Variants in VPS13B observed in about 807,000 individuals in gnomAD.
VPS13B encodes intermembrane lipid transfer protein VPS13B.
In VPS13B, 285 loss-of-function variants were observed where a neutral mutation model predicts 426.4. The observed-to-expected ratio is 0.67, with a 90% CI of 0.61 to 0.74. VPS13B has a LOEUF of 0.74. Ranked by LOEUF, VPS13B falls within the 30% of genes least tolerant of loss-of-function variation. The pLI is 0.00. For synonymous variants in VPS13B, 1,676 were observed against 1,676.4 expected (o/e 1.00, Z 0.01); for missense variants, 4,537 against 4,782.6 (o/e 0.95, Z 1.51).
chr8:99,084,977 G>C lies in VPS13B; in HGVS notation c.292-11335G>C, dbSNP rs1410685117. On this transcript the variant is annotated intron_variant, in intron 3 of 61. Transcript: ENST00000357162. ...TGTAGATGTCTATTAGGTCTGCTTGGTGCAGAGTTGAGTTCAATTCCTGGA... is the reference window on the plus strand; with the variant it reads ...TGTAGATGTCTATTAGGTCTGCTTGCTGCAGAGTTGAGTTCAATTCCTGGA... Among the ~76,000 whole-genome samples the C allele has an allele frequency of 2.7e-5, 4 of 147,936 alleles. No homozygotes were observed. In the East Asian group the frequency reaches 7.9e-4, roughly 29 times the overall value.
chr8:99,761,481 A>G (rs1426914317), intron 39 of VPS13B, among the ~76,000 whole-genome samples: 2 of 152,142 alleles, frequency 1.3e-5, no homozygotes, highest in Non-Finnish European at 2.9e-5. Flanking sequence ...GCCTTATATT[A>G]TGTACCTACT....
intron 42 of VPS13B, among the ~76,000 whole-genome samples, chr8:99,781,558 A>G (rs777158011): frequency 2.6e-5 from 4 of 152,206 alleles, no homozygotes; most frequent in Non-Finnish European, 5.9e-5. Context: ...AACTTATTAC[A>G]GTTATAATGA....
chr8:99,143,224 T>A, intron 13 of VPS13B, 59 bp downstream of exon 13: 1 of 1,605,822 alleles, frequency 6.2e-7, no homozygotes, highest in East Asian at 2.2e-5. Flanking sequence ...AATTATATAA[T>A]CCAATTTGTG....
At chr8:99,765,551 C>T (rs943949219) in intron 39 of VPS13B, among the ~76,000 whole-genome samples, 2 of 152,200 alleles carry the variant, frequency 1.3e-5, no homozygotes, top group Non-Finnish European at 2.9e-5. Context: ...AAGTCTATTG[C>T]TTGTGGCATG....
intron 22 of VPS13B, 103 bp from the exon 23 acceptor site, chr8:99,442,298 G>T (rs1588384456): frequency 1.1e-6 from 1 of 940,810 alleles, no homozygotes; most frequent in Non-Finnish European, 1.7e-6. Context: ...ACATAAATAT[G>T]GAACATTTAC....
At chr8:99,212,175 G>A (rs1386707217) in intron 17 of VPS13B, among the ~76,000 whole-genome samples, 2 of 152,202 alleles carry the variant, frequency 1.3e-5, no homozygotes, top group Non-Finnish European at 2.9e-5. Flanking sequence ...TTACAGGCAT[G>A]AGCCACCGCA....
intron 17 of VPS13B, among the ~76,000 whole-genome samples, chr8:99,242,834 A>G (rs1252890394): frequency 6.6e-6 from 1 of 152,190 alleles, no homozygotes; most frequent in South Asian, 2.1e-4. Flanking sequence ...TAATGCCTTT[A>G]CAAATTTAAA....
At chr8:99,491,963 A>G (rs1466979766) in intron 25 of VPS13B, among the ~76,000 whole-genome samples, 2 of 152,136 alleles carry the variant, frequency 1.3e-5, no homozygotes, top group African/African-American at 4.8e-5. Context: ...TGGAATTTTC[A>G]GCTTTTCTGC....
intron 44 of VPS13B, among the ~76,000 whole-genome samples, chr8:99,814,778 G>T (rs1313132732): frequency 6.6e-6 from 1 of 152,160 alleles, no homozygotes; most frequent in Non-Finnish European, 1.5e-5. Context: ...TTAACAATAA[G>T]AGGAAAGGAG....
At chr8:99,686,516 T>C (rs1437835148) in intron 35 of VPS13B, among the ~76,000 whole-genome samples, 7 of 151,932 alleles carry the variant, frequency 4.6e-5, no homozygotes, top group Non-Finnish European at 1.0e-4. Context: ...ACCTTAGGAA[T>C]CTACTTGGTG....
chr8:99,382,237 T>C (rs1370301903), intron 19 of VPS13B, among the ~76,000 whole-genome samples: 2 of 152,170 alleles, frequency 1.3e-5, no homozygotes, highest in Non-Finnish European at 2.9e-5. Context: ...AGTCTTGTAG[T>C]ATAGATTGAA....
In VPS13B at chr8:99,442,460, A is replaced by C; in HGVS notation, c.3270A>C (p.Thr1090=). Residue 1090 remains threonine, a synonymous_variant, in exon 23 of 62, where the codon ACA becomes ACC. Coordinates refer to ENST00000357162, the MANE Select transcript of VPS13B (RefSeq NM_152564.5). ...IPNDSLPSPS[T]IVSGDIPGTV... ...ATGATAGCCTGCCTTCCCCAAGTACAATTGTATCTGGTGACATTCCTGGAA... is the reference window on the plus strand; with the variant it reads ...ATGATAGCCTGCCTTCCCCAAGTACCATTGTATCTGGTGACATTCCTGGAA... The C allele has an allele frequency of 6.2e-7, 1 of 1,613,946 alleles. No homozygotes were observed. Among genetic ancestry groups the C allele is most frequent in the Non-Finnish European group, 8.5e-7 (1 of 1,179,900 alleles).
chr8:99,871,598 G>C lies in VPS13B; in HGVS notation c.11646G>C (p.Gln3882His). 3 of 1,614,222 alleles carry C rather than the reference G, an allele frequency of 1.9e-6. No homozygotes were observed. The highest frequency in any genetic ancestry group is 2.5e-6 in the Non-Finnish European group (3 of 1,180,054). ...GTGTCAGTGAGGACACACAGCAGCA[G>C]GCCTTCCCCGTCACAGAAATCGACT... is the stretch of plus-strand genomic sequence containing the variant. ...VVSVSEDTQQ[Q>H]AFPVTEIDCA... Residue 3882 changes from glutamine to histidine, a missense_variant, in exon 61 of 62, where the codon CAG (glutamine) becomes CAC (histidine). Physicochemically the swap from Gln to His is conservative, Grantham distance 24. Transcript: ENST00000357162.
At chr8:99,491,591 C>CT (rs1469175483) in intron 25 of VPS13B, among the ~76,000 whole-genome samples, 2 of 152,090 alleles carry the variant, frequency 1.3e-5, no homozygotes, top group Admixed American at 1.3e-4. Context: ...ATCTTGTCTT[C>CT]TCACTTTATT....
At position 99,271,296 on chromosome 8, in the gene VPS13B, A is replaced by G. The variant is rs188857813; in HGVS notation, c.2516-2902A>G. On this transcript the variant is annotated intron_variant, in intron 17 of 61. Coordinates refer to ENST00000357162, the MANE Select transcript of VPS13B (RefSeq NM_152564.5). ...TTGGCATCATTTAATTTTCTGAGATATTAAAATTTCCTGAGACATGAATTT... is the reference window on the plus strand; with the variant it reads ...TTGGCATCATTTAATTTTCTGAGATGTTAAAATTTCCTGAGACATGAATTT... Among the ~76,000 whole-genome samples, 44 of 152,218 alleles carry G rather than the reference A, an allele frequency of 2.9e-4. 1 individual carries two copies. In the East Asian group the frequency reaches 7.9e-3, roughly 27 times the overall value.
chr8:99,102,915 A>G (rs775594621), intron 4 of VPS13B, 38 bp from the exon 5 acceptor site: 2 of 1,513,736 alleles, frequency 1.3e-6, no homozygotes, highest in Admixed American at 1.7e-5. Flanking sequence ...TTACTGAGAG[A>G]TTTGTGGCTA....
chr8:99,498,580 G>T (rs766936796), intron 25 of VPS13B, among the ~76,000 whole-genome samples: 4 of 151,748 alleles, frequency 2.6e-5, no homozygotes, highest in Non-Finnish European at 5.9e-5. Context: ...ATAAAAAAAA[G>T]AAAACACATT....
chr8:99,854,786 G>A (rs1404996296), intron 56 of VPS13B, among the ~76,000 whole-genome samples: 1 of 152,156 alleles, frequency 6.6e-6, no homozygotes, highest in Non-Finnish European at 1.5e-5. Flanking sequence ...GGATTTGTGT[G>A]CTTGTAAGAT....
chr8:99,859,788 A>C (rs1165096958), intron 57 of VPS13B, among the ~76,000 whole-genome samples: 1 of 152,246 alleles, frequency 6.6e-6, no homozygotes, highest in African/African-American at 2.4e-5. Context: ...AAAGGTGTTC[A>C]GGATTTCTGC....
Sources: allele counts gnomAD v4.1 joint callset (sites outside exome capture counted in the v4.1 genomes callset), GRCh38; gene constraint gnomAD v4.1.1; transcripts MANE v1.5; gene names NCBI Gene and HGNC (gene_info 2026-07-23, HGNC 2026-07-21).